The following KIFC3 variants were observed in gnomAD, a reference collection of about 807,000 sequenced individuals.
The protein encoded by KIFC3 is kinesin family member C3.
In KIFC3, 60 loss-of-function variants were observed where a neutral mutation model predicts 101.8. The ratio of observed to expected loss-of-function variants is 0.59; its 90% confidence interval spans 0.48 to 0.73. KIFC3 has a LOEUF of 0.73. Ranked by LOEUF, KIFC3 falls within the 30% of genes least tolerant of loss-of-function variation. KIFC3 has a pLI of 0.00. For synonymous variants in KIFC3, 476 were observed against 482.7 expected (o/e 0.99, Z 0.18); for missense variants, 966 against 1,137.1 (o/e 0.85, Z 2.16).
chr16:57,762,829 T>A (rs781944149), intron 12 of KIFC3, among the ~76,000 whole-genome samples: 2 of 152,176 alleles, frequency 1.3e-5, no homozygotes, highest in Non-Finnish European at 2.9e-5. Context: ...TCACTCACTC[T>A]CTATTCCGGC....
intron 10 of KIFC3, 72 bp from the exon 11 acceptor site, chr16:57,765,712 T>A: frequency 4.2e-6 from 6 of 1,440,130 alleles, no homozygotes; most frequent in Non-Finnish European, 4.7e-6. Flanking sequence ...TCCACTGGTG[T>A]CCCAGGCAGA....
chr16:57,765,540 G>A lies in KIFC3; in HGVS notation c.1431C>T (p.Ser477=). Residue 477 remains serine, a synonymous_variant, in exon 11 of 20, where the codon TCC becomes TCT. Transcript: ENST00000445690. ...NAVTFDADDD[S]IIHLLHKGKP... is the part of the protein sequence containing the mutation. ...TGCCCTTGTGCAGCAGGTGGATGATGGAGTCGTCGTCGGCATCGAAAGTCA... is the reference window on the plus strand; with the variant it reads ...TGCCCTTGTGCAGCAGGTGGATGATAGAGTCGTCGTCGGCATCGAAAGTCA... 6.3e-7 allele frequency: 1 copy of A among 1,599,266 alleles called. No homozygotes were observed. The highest frequency in any genetic ancestry group is 8.5e-7 in the Non-Finnish European group (1 of 1,172,338).
chr16:57,760,915 C>T lies in KIFC3; in HGVS notation c.2043G>A (p.Val681=). 1 of 1,608,142 alleles carries T rather than the reference C, an allele frequency of 6.2e-7. No individual in the cohort carries two copies. The highest frequency in any genetic ancestry group is 8.5e-7 in the Non-Finnish European group (1 of 1,179,162). ...NLVDLAGSER[V]GKSGAEGSRL... ...GGCTGCCCTCGGCCCCCGACTTGCC[C>T]ACGCGCTCCGAGCCAGCCAAGTCCA... Residue 681 remains valine (V), a synonymous_variant, in exon 16 of 20, where the codon GTG becomes GTA. Coordinates refer to ENST00000445690, the MANE Select transcript of KIFC3 (RefSeq NM_001130100.2).
chr16:57,806,026 A>G (rs2054928500), upstream of KIFC3, among the ~76,000 whole-genome samples: 1 of 152,148 alleles, frequency 6.6e-6, no homozygotes, highest in African/African-American at 2.4e-5. Context: ...AGCATGAGCC[A>G]CCACACCTGA....
rs546494567 is a variant in KIFC3 at position 57,784,519 on chromosome 16, G to A, written c.315+10480C>T. ...GAACAAGTCACAGCACACATGATGC[G>A]CAACAGGCAGACGTCGGCATGTCCA... is the stretch of plus-strand genomic sequence containing the variant. On this transcript the variant is annotated intron_variant, in intron 3 of 19. Transcript: ENST00000445690. Among the ~76,000 whole-genome samples, 15 of 152,328 alleles carry A rather than the reference G, an allele frequency of 9.8e-5. No individual in the cohort carries two copies. In the South Asian group the frequency reaches 1.9e-3, roughly 19 times the overall value.
At chr16:57,833,454 G>A (rs529305762) in intron 1 of KIFC3, among the ~76,000 whole-genome samples, 2 of 152,234 alleles carry the variant, frequency 1.3e-5, no homozygotes, top group African/African-American at 4.8e-5. Context: ...CCTCCCACAG[G>A]AATGAGCCCT....
intron 1 of KIFC3, among the ~76,000 whole-genome samples, chr16:57,842,064 T>A (rs1274086012): frequency 1.3e-5 from 2 of 152,002 alleles, no homozygotes; most frequent in Non-Finnish European, 2.9e-5. Context: ...GGCATGGTGA[T>A]GTGCACCTGT....
chr16:57,793,179 G>A (rs1357926462), intron 3 of KIFC3, among the ~76,000 whole-genome samples: 2 of 151,038 alleles, frequency 1.3e-5, no homozygotes, highest in Non-Finnish European at 2.9e-5. Context: ...CCAGCTATTC[G>A]GGAGGCTGAG....
rs1251250941 is a variant in KIFC3, at chr16:57,758,268, A to T, written c.*666T>A. On this transcript the variant is annotated 3_prime_UTR_variant, in exon 20 of 20. Transcript: ENST00000445690. ...AATAAGTAAAAATGGCTAAGCTTCC[A>T]AAAGTTCTTAAATAGGATTTCAGAG... The T allele has an allele frequency of 4.3e-6, 1 of 232,480 alleles. No individual in the cohort carries two copies. Among genetic ancestry groups the T allele is most frequent in the Non-Finnish European group, 8.7e-6 (1 of 115,200 alleles). 14.4% of individuals were successfully genotyped at this position (232,480 alleles called of 1,614,324 possible).
rs75902502 is a variant in KIFC3, at chr16:57,817,949, C to T, written c.109-19667G>A. On this transcript the variant is annotated intron_variant, in intron 1 of 2. Coordinates refer to the KIFC3 transcript ENST00000563028. ...ATCACCATCATCATCACCATCTCCTCACAGAAGCTTAGCATTTCATCACTT... is the reference window on the plus strand; with the variant it reads ...ATCACCATCATCATCACCATCTCCTTACAGAAGCTTAGCATTTCATCACTT... 5.9e-5 allele frequency among the ~76,000 whole-genome samples: 9 copies of T among 152,324 alleles called. No homozygotes were observed. The East Asian group carries it at 1.7e-3, about 29-fold the overall frequency.
chr16:57,812,794 T>C (rs1270198445), intron 1 of KIFC3, among the ~76,000 whole-genome samples: 1 of 152,144 alleles, frequency 6.6e-6, no homozygotes, highest in African/African-American at 2.4e-5. Flanking sequence ...ATCTTAACAC[T>C]CCAGAAAGTG....
intron 9 of KIFC3, among the ~76,000 whole-genome samples, chr16:57,768,572 G>A (rs2050771725): frequency 6.8e-6 from 1 of 146,176 alleles, no homozygotes; most frequent in South Asian, 2.2e-4. Flanking sequence ...AACAGTCGGG[G>A]GAAATGCTGA....
chr16:57,762,955 G>A (rs187289725), intron 12 of KIFC3, among the ~76,000 whole-genome samples: 11 of 151,490 alleles, frequency 7.3e-5, no homozygotes, highest in African/African-American at 1.4e-4. Flanking sequence ...GGCCGGCTCC[G>A]TCATCTCCCT....
At chr16:57,780,578 T>TAAAAAAA (rs1400337211) in intron 3 of KIFC3, among the ~76,000 whole-genome samples, 4 of 140,170 alleles carry the variant, frequency 2.9e-5, no homozygotes, top group Admixed American at 1.5e-4. Context: ...TAAAATGATT[T>TAAAAAAA]AAAAAAAAAA....
intron 1 of KIFC3, among the ~76,000 whole-genome samples, chr16:57,808,671 G>C (rs2054999624): frequency 6.6e-6 from 1 of 152,012 alleles, no homozygotes; most frequent in African/African-American, 2.4e-5. Context: ...TTTCTTTCCA[G>C]TATCTGACCT....
At chr16:57,835,173 G>A (rs765202568) in intron 1 of KIFC3, among the ~76,000 whole-genome samples, 5 of 152,208 alleles carry the variant, frequency 3.3e-5, no homozygotes, top group Admixed American at 2.0e-4. Context: ...CAATAGCACC[G>A]ATATTTGAAG....
In KIFC3 at chr16:57,761,039, C is replaced by T; in HGVS notation, c.2002+3G>A. The T allele has an allele frequency of 1.2e-6, 2 of 1,607,138 alleles. No homozygotes were observed. The highest frequency in any genetic ancestry group is 2.7e-5 in the African/African-American group (2 of 74,960). ...CTCAGGCCAGGCTGCCTGCCACTCT[C>T]ACCCGTGGTGCGGAGGCCTGTGCTG... On this transcript the variant is annotated splice_donor_region_variant and intron_variant, in intron 15 of 19. Coordinates refer to ENST00000445690, the MANE Select transcript of KIFC3 (RefSeq NM_001130100.2).
intron 11 of KIFC3, among the ~76,000 whole-genome samples, chr16:57,764,845 G>A (rs1451555249): frequency 6.8e-6 from 1 of 147,598 alleles, no homozygotes; most frequent in East Asian, 2.1e-4. Flanking sequence ...GAGGGGCTGT[G>A]ATGGTGGGAG....
At chr16:57,788,589 T>C (rs1555618813) in intron 3 of KIFC3, 15 of 1,289,034 alleles carry the variant, frequency 1.2e-5, no homozygotes, top group Non-Finnish European at 1.4e-5. Context: ...ATTCTCTACA[T>C]TCATGGTGCC....
Sources: allele counts gnomAD v4.1 joint callset (sites outside exome capture counted in the v4.1 genomes callset), GRCh38; gene constraint gnomAD v4.1.1; transcripts MANE v1.5; gene names NCBI Gene and HGNC (gene_info 2026-07-23, HGNC 2026-07-21).